RAD51B: variants seen among roughly 807,000 people sequenced by gnomAD.
RAD51B encodes the protein RAD51 paralog B.
In RAD51B, 38 loss-of-function variants were observed where a neutral mutation model predicts 42.2. The observed-to-expected ratio is 0.90, with a 90% CI of 0.70 to 1.18. The LOEUF (loss-of-function observed/expected upper bound fraction) is 1.18. Ranked by LOEUF, RAD51B falls within the 50% of genes most tolerant of loss-of-function variation. RAD51B has a pLI of 0.00. For synonymous variants in RAD51B, 154 were observed against 145.2 expected (o/e 1.06, Z -0.43); for missense variants, 373 against 400.7 (o/e 0.93, Z 0.59).
At chr14:67,912,162 T>C (rs911148099) in intron 7 of RAD51B, among the ~76,000 whole-genome samples, 2 of 152,236 alleles carry the variant, frequency 1.3e-5, no homozygotes, top group Admixed American at 1.3e-4. Context: ...TAGCCAGATA[T>C]TTTGGATGAT....
At chr14:68,643,333 TC>T (rs1447106377) in intron 10 of RAD51B, among the ~76,000 whole-genome samples, 2 of 152,244 alleles carry the variant, frequency 1.3e-5, no homozygotes, top group African/African-American at 4.8e-5. Flanking sequence ...ACTCCTGTTT[TC>T]TTTTGATTAG....
chr14:68,071,464 C>T (rs1000351351), intron 7 of RAD51B, among the ~76,000 whole-genome samples: 2 of 151,906 alleles, frequency 1.3e-5, no homozygotes. Flanking sequence ...GTTTTTAGCA[C>T]AAAAGGATGT....
At chr14:67,976,703 A>G (rs1009889132) in intron 7 of RAD51B, among the ~76,000 whole-genome samples, 2 of 152,076 alleles carry the variant, frequency 1.3e-5, no homozygotes, top group African/African-American at 4.8e-5. Flanking sequence ...ACAAAAGCCA[A>G]AATTGACAAA....
chr14:68,126,069 G>A (rs1191209043), intron 7 of RAD51B, among the ~76,000 whole-genome samples: 1 of 152,110 alleles, frequency 6.6e-6, no homozygotes, highest in Non-Finnish European at 1.5e-5. Flanking sequence ...GATTTCTCTG[G>A]TGCTAGATCT....
intron 8 of RAD51B, among the ~76,000 whole-genome samples, chr14:68,332,313 G>A (rs528932221): frequency 7.3e-5 from 11 of 151,368 alleles, no homozygotes; most frequent in Admixed American, 3.3e-4. Context: ...ACACACACAT[G>A]TATATTATAC....
At chr14:67,906,066 T>C (rs2043772839) in intron 7 of RAD51B, among the ~76,000 whole-genome samples, 1 of 152,128 alleles carries the variant, frequency 6.6e-6, no homozygotes. Flanking sequence ...CTGCGGTATG[T>C]TTCTTCAGTA....
chr14:68,297,702 T>C (rs2081641487), intron 8 of RAD51B, among the ~76,000 whole-genome samples: 1 of 152,216 alleles, frequency 6.6e-6, no homozygotes, highest in Non-Finnish European at 1.5e-5. Flanking sequence ...TATTAACAAC[T>C]ATGATCAACA....
intron 8 of RAD51B, among the ~76,000 whole-genome samples, chr14:68,318,955 C>T (rs894696031): frequency 5.3e-5 from 8 of 152,182 alleles, no homozygotes; most frequent in Non-Finnish European, 1.0e-4. Flanking sequence ...TCTTAAACGT[C>T]AGCCAACCAG....
intron 7 of RAD51B, among the ~76,000 whole-genome samples, chr14:68,004,279 G>C (rs1192945251): frequency 6.8e-6 from 1 of 146,596 alleles, no homozygotes; most frequent in Non-Finnish European, 1.5e-5. Context: ...GTTGCAGTGA[G>C]CTGAGATCGC....
chr14:68,499,533 G>A (rs754730478), intron 10 of RAD51B, among the ~76,000 whole-genome samples: 29 of 152,154 alleles, frequency 1.9e-4, no homozygotes, highest in African/African-American at 7.0e-4. Flanking sequence ...AAAAAGATAC[G>A]TCCATGTCCT....
At chr14:68,500,942 C>T (rs568338573) in intron 10 of RAD51B, among the ~76,000 whole-genome samples, 5 of 152,204 alleles carry the variant, frequency 3.3e-5, no homozygotes, top group Non-Finnish European at 7.3e-5. Context: ...AACTCAGTTT[C>T]TGGAGTCCCC....
At chr14:68,499,186 A>G (rs1048258468) in intron 10 of RAD51B, among the ~76,000 whole-genome samples, 1 of 152,206 alleles carries the variant, frequency 6.6e-6, no homozygotes. Context: ...AAGGGGCACA[A>G]TGGGTTTTGA....
chr14:68,495,787 T>G (rs3784131), intron 10 of RAD51B, among the ~76,000 whole-genome samples: 19,833 of 152,102 alleles, frequency 0.13, 1,740 homozygotes, highest in East Asian at 0.52. Flanking sequence ...GTGACTTACC[T>G]CTTAACCACA....
chr14:68,363,349 A>G (rs2083070745), intron 8 of RAD51B, among the ~76,000 whole-genome samples: 2 of 152,266 alleles, frequency 1.3e-5, no homozygotes, highest in East Asian at 1.9e-4. Flanking sequence ...CAATAAAGTG[A>G]TGCATACCCA....
intron 9 of RAD51B, among the ~76,000 whole-genome samples, chr14:68,440,142 G>GT (rs11429193): frequency 0.054 from 8,287 of 152,272 alleles, 697 homozygotes; most frequent in African/African-American, 0.18. Flanking sequence ...AATAATGGTT[G>GT]TAAGATTGAT....
chr14:68,572,871 C>A (rs8009944), intron 10 of RAD51B, among the ~76,000 whole-genome samples: 98,382 of 152,020 alleles, frequency 0.65, 32,807 homozygotes, highest in Non-Finnish European at 0.73. Context: ...TACATGTTTT[C>A]GCTCATTTAA....
downstream of RAD51B, among the ~76,000 whole-genome samples, chr14:68,615,457 T>A (rs1164236044): frequency 6.6e-6 from 1 of 152,168 alleles, no homozygotes; most frequent in Non-Finnish European, 1.5e-5. Context: ...ACCATTCTCC[T>A]GCTTCAGCCT....
At chr14:67,842,554 G>C (rs2041465031) in intron 4 of RAD51B, among the ~76,000 whole-genome samples, 1 of 152,118 alleles carries the variant, frequency 6.6e-6, no homozygotes, top group Admixed American at 6.6e-5. Context: ...ATTTTTAGTA[G>C]AGATGGGGTT....
chr14:68,613,601 C>A (rs999056742), downstream of RAD51B, among the ~76,000 whole-genome samples: 1 of 151,888 alleles, frequency 6.6e-6, no homozygotes, highest in Non-Finnish European at 1.5e-5. Flanking sequence ...CTACAGGAGC[C>A]CACCACCACA....
Sources: gnomAD v4.1 joint callset for allele counts (sites outside exome capture counted in the v4.1 genomes callset) on GRCh38, gnomAD v4.1.1 for gene constraint, MANE v1.5 for transcripts, NCBI Gene and HGNC (gene_info 2026-07-23, HGNC 2026-07-21) for gene names.